PTPRR: variants seen among roughly 807,000 people sequenced by gnomAD.
The protein encoded by PTPRR is protein tyrosine phosphatase receptor type R.
PTPRR carries 38 observed loss-of-function variants against 77.2 expected under a neutral mutation model. The observed-to-expected ratio is 0.49, with a 90% confidence interval of 0.38 to 0.65. The LOEUF (loss-of-function observed/expected upper bound fraction) is 0.65, where lower values mean the gene tolerates loss of function less well. Among genes scored for constraint, PTPRR ranks in the 30% least tolerant of loss-of-function variants. PTPRR has a pLI of 0.00. For synonymous variants in PTPRR, 299 were observed against 283.1 expected (o/e 1.06, Z -0.57); for missense variants, 744 against 799.2 (o/e 0.93, Z 0.83).
chr12:70,886,342 T>C (rs953583641), intron 2 of PTPRR, among the ~76,000 whole-genome samples: 1 of 152,216 alleles, frequency 6.6e-6, no homozygotes, highest in African/African-American at 2.4e-5. Flanking sequence ...TATAAGAAGA[T>C]CTTATAATTT....
At chr12:70,758,932 C>CCTG (rs34171135) in intron 4 of PTPRR, among the ~76,000 whole-genome samples, 9 of 150,678 alleles carry the variant, frequency 6.0e-5, no homozygotes, top group African/African-American at 2.0e-4. Context: ...GCTATTTGCT[C>CCTG]TTGTTGTTGT....
At chr12:70,809,666 G>A (rs1046945857) in intron 2 of PTPRR, among the ~76,000 whole-genome samples, 15 of 152,102 alleles carry the variant, frequency 9.9e-5, no homozygotes, top group South Asian at 8.3e-4. Context: ...TAAATTCCTT[G>A]ATGGAAAGTT....
intron 1 of PTPRR, among the ~76,000 whole-genome samples, chr12:70,912,539 A>AT (rs1245985386): frequency 2.0e-5 from 3 of 152,176 alleles, no homozygotes; most frequent in Non-Finnish European, 4.4e-5. Context: ...TGAACTTGGC[A>AT]TTTGCTAAGT....
chr12:70,797,709 T>C (rs944706065), intron 2 of PTPRR, among the ~76,000 whole-genome samples: 1 of 152,110 alleles, frequency 6.6e-6, no homozygotes, highest in Non-Finnish European at 1.5e-5. Context: ...CACCATTGAG[T>C]ACTCTTGTCT....
At chr12:70,709,887 T>G (rs999383473) in intron 6 of PTPRR, among the ~76,000 whole-genome samples, 3 of 152,138 alleles carry the variant, frequency 2.0e-5, no homozygotes, top group Non-Finnish European at 4.4e-5. Context: ...ATAGGAAGAA[T>G]TAATATTATT....
chr12:70,746,676 C>G (rs949764165), intron 5 of PTPRR, among the ~76,000 whole-genome samples: 2 of 151,820 alleles, frequency 1.3e-5, no homozygotes, highest in Non-Finnish European at 2.9e-5. Context: ...CCACTTTGCC[C>G]TCTTAAATTT....
At position 70,789,090 on chromosome 12, in the gene PTPRR, A is replaced by AT. The variant is rs779236393; in HGVS notation, c.358-24313dup. On this transcript the variant is annotated intron_variant, in intron 2 of 13. Coordinates refer to ENST00000283228, the MANE Select transcript of PTPRR (RefSeq NM_002849.4). ...TTTACTAGAATTGAAATTCATGGGG[A>AT]TTTTTTTTTTCCATGGGAATTAGCA... The AT allele has an allele frequency of 4.2e-3, 1,763 of 419,208 alleles. 1 individual carries two copies. Among genetic ancestry groups the AT allele is most frequent in the South Asian group, 6.7e-3 (117 of 17,462 alleles). The allele number at this position is 419,208 out of a possible 1,614,324, so 26.0% of individuals were successfully genotyped here. A position where few individuals can be genotyped will look rare whatever the true frequency, so the allele number is the denominator to read the frequency against.
At chr12:70,754,053 G>A (rs1890489106) in intron 5 of PTPRR, 138 bp downstream of exon 5, 6 of 837,696 alleles carry the variant, frequency 7.2e-6, no homozygotes, top group Non-Finnish European at 9.0e-6. Context: ...TGTCAGATAT[G>A]AAATATTCCT....
intron 2 of PTPRR, among the ~76,000 whole-genome samples, chr12:70,870,400 A>G (rs556254691): frequency 1.3e-5 from 2 of 152,316 alleles, no homozygotes; most frequent in African/African-American, 4.8e-5. Context: ...AACCCTATAA[A>G]TGGAAGAAAT....
At chr12:70,789,553 A>G (rs1185909123) in intron 2 of PTPRR, among the ~76,000 whole-genome samples, 1 of 152,068 alleles carries the variant, frequency 6.6e-6, no homozygotes, top group Non-Finnish European at 1.5e-5. Flanking sequence ...ACCATACCAT[A>G]TGCATACCAT....
At chr12:70,773,368 C>A (rs974026482) in intron 2 of PTPRR, among the ~76,000 whole-genome samples, 2 of 152,154 alleles carry the variant, frequency 1.3e-5, no homozygotes, top group Non-Finnish European at 2.9e-5. Flanking sequence ...AAAGAAGCTG[C>A]TAACTTGTAG....
At chr12:70,737,044 C>T (rs761712806) in intron 6 of PTPRR, among the ~76,000 whole-genome samples, 33 of 152,324 alleles carry the variant, frequency 2.2e-4, no homozygotes, top group African/African-American at 7.2e-4. Context: ...GCTGCCACTT[C>T]GCTGGAGCAG....
At chr12:70,787,192 G>T (rs1891340719) in intron 2 of PTPRR, among the ~76,000 whole-genome samples, 1 of 152,012 alleles carries the variant, frequency 6.6e-6, no homozygotes, top group African/African-American at 2.4e-5. Context: ...TTTCTTTTAG[G>T]AAGATTGAGG....
chr12:70,747,593 A>C (rs1243694905), intron 5 of PTPRR, among the ~76,000 whole-genome samples: 2 of 152,220 alleles, frequency 1.3e-5, no homozygotes, highest in African/African-American at 4.8e-5. Context: ...AGTGTAAAAC[A>C]AAGTCTAGTC....
intron 2 of PTPRR, among the ~76,000 whole-genome samples, chr12:70,779,051 G>A (rs552271000): frequency 6.6e-6 from 1 of 152,088 alleles, no homozygotes; most frequent in South Asian, 2.1e-4. Context: ...TTTCAACCAC[G>A]TTGGCCACTT....
At chr12:70,908,755 A>C (rs188513429) in intron 1 of PTPRR, among the ~76,000 whole-genome samples, 98 of 152,300 alleles carry the variant, frequency 6.4e-4, no homozygotes, top group African/African-American at 2.3e-3. Flanking sequence ...TTTGAGGGGC[A>C]CTTGGTAGAC....
At chr12:70,846,666 C>T (rs937027694) in intron 2 of PTPRR, among the ~76,000 whole-genome samples, 2 of 151,960 alleles carry the variant, frequency 1.3e-5, no homozygotes, top group Non-Finnish European at 2.9e-5. Context: ...GGCTTGTTTG[C>T]CCCCTTCCAC....
At chr12:70,712,698 TTGCTA>T (rs975209863) in intron 6 of PTPRR, among the ~76,000 whole-genome samples, 2 of 152,008 alleles carry the variant, frequency 1.3e-5, no homozygotes, top group Non-Finnish European at 2.9e-5. Flanking sequence ...GTTTTTATGC[TTGCTA>T]TAAGAAATAT....
intron 2 of PTPRR, among the ~76,000 whole-genome samples, chr12:70,793,117 AT>A (rs1891450730): frequency 6.6e-6 from 1 of 152,158 alleles, no homozygotes; most frequent in African/African-American, 2.4e-5. Flanking sequence ...TGCAAGGAAA[AT>A]TTTTATCTTA....
Sources: gnomAD v4.1 joint callset for allele counts (sites outside exome capture counted in the v4.1 genomes callset) on GRCh38, gnomAD v4.1.1 for gene constraint, MANE v1.5 for transcripts, NCBI Gene and HGNC (gene_info 2026-07-23, HGNC 2026-07-21) for gene names.